HS6ST3: variants seen among roughly 807,000 people sequenced by gnomAD.
HS6ST3 encodes the protein heparan sulfate 6-O-sulfotransferase 3, also known as heparan-sulfate 6-O-sulfotransferase 3.
In HS6ST3, 12 loss-of-function variants were observed where a neutral mutation model predicts 36.7. That is an observed-to-expected ratio of 0.33 (90% CI 0.21 to 0.53). HS6ST3 has a LOEUF of 0.53. Ranked by LOEUF, HS6ST3 falls within the 20% of genes least tolerant of loss-of-function variation. The probability of loss-of-function intolerance (pLI) is 0.95; values close to 1 mark genes in which losing one functional copy is unlikely to be tolerated. For synonymous variants in HS6ST3, 240 were observed against 257.5 expected (o/e 0.93, Z 0.65); for missense variants, 584 against 640.9 (o/e 0.91, Z 0.96).
At chr13:96,273,403 A>G (rs963698144) in intron 1 of HS6ST3, among the ~76,000 whole-genome samples, 2 of 152,000 alleles carry the variant, frequency 1.3e-5, no homozygotes, top group Admixed American at 1.3e-4. Flanking sequence ...GTCCCACGTG[A>G]TGGCTGGTGG....
intron 1 of HS6ST3, among the ~76,000 whole-genome samples, chr13:96,687,024 C>G (rs890769239): frequency 2.6e-5 from 4 of 151,436 alleles, no homozygotes; most frequent in Non-Finnish European, 5.9e-5. Context: ...CTCAGGGCCT[C>G]TTTTCTCCTT....
At chr13:96,824,024 A>T (rs887175652) in intron 1 of HS6ST3, among the ~76,000 whole-genome samples, 1 of 152,258 alleles carries the variant, frequency 6.6e-6, no homozygotes, top group Non-Finnish European at 1.5e-5. Flanking sequence ...AGCAAGAACA[A>T]CTAAATCTAA....
In HS6ST3 at chr13:96,722,988, CGTGTGTGTGTGTGTGTGT is replaced by C. The variant is rs34651683; in HGVS notation, c.708-109483_708-109466del. Among the ~76,000 whole-genome samples the C allele has an allele frequency of 1.1e-4, 16 of 143,672 alleles. 1 individual carries two copies. The highest frequency in any genetic ancestry group is 4.1e-4 in the African/African-American group (16 of 39,236). The allele number at this position is 143,672 out of a possible 152,430, so 94.3% of individuals were successfully genotyped here. ...CAAGACCCTGTCTCAAAAAAATATA[CGTGTGTGTGTGTGTGTGT>C]GTGTGTGTGTGTGTGTGTACAAGAT... On this transcript the variant is annotated intron_variant, in intron 1 of 1. Transcript: ENST00000376705.
intron 1 of HS6ST3, among the ~76,000 whole-genome samples, chr13:96,534,142 G>A (rs536722817): frequency 3.5e-4 from 53 of 152,196 alleles, no homozygotes; most frequent in Non-Finnish European, 6.0e-4. Flanking sequence ...TCGGTGAGCT[G>A]TTTGAGGGCA....
intron 1 of HS6ST3, among the ~76,000 whole-genome samples, chr13:96,467,848 A>G (rs944419001): frequency 1.3e-5 from 2 of 152,170 alleles, no homozygotes; most frequent in African/African-American, 4.8e-5. Flanking sequence ...AAAACCAGGC[A>G]GCCAACTCTT....
chr13:96,445,474 T>A (rs191754160), intron 1 of HS6ST3, among the ~76,000 whole-genome samples: 47 of 152,270 alleles, frequency 3.1e-4, no homozygotes, highest in African/African-American at 1.1e-3. Context: ...CCTATTAGTA[T>A]GGAAGCAATA....
chr13:96,709,037 T>C (rs1875497163), intron 1 of HS6ST3, among the ~76,000 whole-genome samples: 1 of 152,052 alleles, frequency 6.6e-6, no homozygotes, highest in African/African-American at 2.4e-5. Flanking sequence ...ATAATCCCCA[T>C]GTGTTGAGGG....
chr13:96,116,153 T>C (rs1248977554), intron 1 of HS6ST3, among the ~76,000 whole-genome samples: 1 of 152,176 alleles, frequency 6.6e-6, no homozygotes, highest in African/African-American at 2.4e-5. Flanking sequence ...AAGAACCTGG[T>C]CAGCTTCCGG....
chr13:96,765,588 T>TCTC (rs1877089470), intron 1 of HS6ST3, among the ~76,000 whole-genome samples: 153 of 142,702 alleles, frequency 1.1e-3, no homozygotes, highest in East Asian at 2.1e-3. Flanking sequence ...CTCTCTCTCT[T>TCTC]TCTCTCTCTC....
intron 1 of HS6ST3, among the ~76,000 whole-genome samples, chr13:96,706,413 T>TTATATATATA (rs3052119): frequency 0.025 from 2,974 of 120,770 alleles, 57 homozygotes; most frequent in Admixed American, 0.049. Flanking sequence ...AGAATATATT[T>TTATATATATA]TATATATATA....
At chr13:96,485,396 G>T (rs912581887) in intron 1 of HS6ST3, among the ~76,000 whole-genome samples, 1 of 151,966 alleles carries the variant, frequency 6.6e-6, no homozygotes, top group Non-Finnish European at 1.5e-5. Context: ...GTTCCATGCT[G>T]GTGTTAGGGA....
intron 1 of HS6ST3, among the ~76,000 whole-genome samples, chr13:96,111,006 A>G (rs1446492412): frequency 1.3e-5 from 2 of 152,176 alleles, no homozygotes; most frequent in Admixed American, 6.5e-5. Flanking sequence ...CACATTGACT[A>G]GTATAAAGAT....
At chr13:96,091,760 C>T (rs1452315041) in intron 1 of HS6ST3, among the ~76,000 whole-genome samples, 191 bp downstream of exon 1, 1 of 152,024 alleles carries the variant, frequency 6.6e-6, no homozygotes, top group Non-Finnish European at 1.5e-5. Context: ...TCGTTCTTCC[C>T]CCAGCCCCCA....
intron 1 of HS6ST3, among the ~76,000 whole-genome samples, chr13:96,356,665 T>A (rs1433489661): frequency 1.3e-5 from 2 of 152,178 alleles, no homozygotes; most frequent in East Asian, 3.8e-4. Flanking sequence ...GCTTTTTTGT[T>A]CCACTAATAG....
At chr13:96,355,974 CA>C (rs1699179478) in intron 1 of HS6ST3, among the ~76,000 whole-genome samples, 1 of 152,228 alleles carries the variant, frequency 6.6e-6, no homozygotes, top group African/African-American at 2.4e-5. Flanking sequence ...GAGTAGTTTC[CA>C]TTTCAAGAAA....
At chr13:96,168,386 T>C (rs2054170909) in intron 1 of HS6ST3, among the ~76,000 whole-genome samples, 1 of 152,134 alleles carries the variant, frequency 6.6e-6, no homozygotes, top group Non-Finnish European at 1.5e-5. Context: ...TTGCCTATAC[T>C]CCCTTAGAGT....
At chr13:96,694,681 C>G (rs565198889) in intron 1 of HS6ST3, among the ~76,000 whole-genome samples, 3 of 152,236 alleles carry the variant, frequency 2.0e-5, no homozygotes, top group African/African-American at 7.2e-5. Flanking sequence ...CCTATTTCTC[C>G]ATAAATTCAC....
intron 1 of HS6ST3, among the ~76,000 whole-genome samples, chr13:96,284,395 C>T (rs1336909704): frequency 1.3e-5 from 2 of 152,102 alleles, no homozygotes; most frequent in Non-Finnish European, 2.9e-5. Context: ...GCCAAAGGTC[C>T]AAGAGTCCCA....
At chr13:96,693,035 G>T (rs1234297735) in intron 1 of HS6ST3, among the ~76,000 whole-genome samples, 1 of 152,034 alleles carries the variant, frequency 6.6e-6, no homozygotes, top group African/African-American at 2.4e-5. Flanking sequence ...TAGCCTCCAA[G>T]GGTTGATGTC....
Sources: gnomAD v4.1 joint callset for allele counts (sites outside exome capture counted in the v4.1 genomes callset) on GRCh38, gnomAD v4.1.1 for gene constraint, MANE v1.5 for transcripts, NCBI Gene and HGNC (gene_info 2026-07-23, HGNC 2026-07-21) for gene names.